The following RNU1-1 variants were observed in gnomAD, a reference collection of about 807,000 sequenced individuals.
RNU1-1 encodes the protein RNA, U1A small nuclear.
exon 1 of RNU1-1, chr1:16,514,202 C>CA (rs2087493753): frequency 1.3e-5 from 2 of 153,836 alleles, no homozygotes; most frequent in Non-Finnish European, 2.9e-5. Flanking sequence ...TCGCAGGGGT[C>CA]AGCACATCCG....
At chr1:16,514,137 A>C (rs1414104539) in exon 1 of RNU1-1, 2 of 152,366 alleles carry the variant, frequency 1.3e-5, no homozygotes, top group Non-Finnish European at 2.9e-5. Context: ...GAAAGCGCGA[A>C]CGCAGTCCCC....
chr1:16,514,188 G>A (rs2087493362), exon 1 of RNU1-1: 1 of 152,996 alleles, frequency 6.5e-6, no homozygotes, highest in African/African-American at 2.4e-5. Context: ...CACATTTGGG[G>A]AAATCGCAGG....
chr1:16,514,233 G>A lies in RNU1-1; in HGVS notation n.53C>T, dbSNP rs555358215. 273 of 242,450 alleles carry A rather than the reference G, an allele frequency of 1.1e-3. 1 individual carries two copies. The highest frequency in any genetic ancestry group is 5.6e-3 in the African/African-American group (239 of 43,004). The allele number at this position is 242,450 out of a possible 1,614,324, so 15.0% of individuals were successfully genotyped here. On this transcript the variant is annotated non_coding_transcript_exon_variant, in exon 1 of 1. Coordinates refer to ENST00000383925, the Ensembl canonical transcript of RNU1-1. ...ATCCGGAGTGCAATGGATAAGCCTC[G>A]CCCTGGGAAAACCACCTTCGTGATC... is the stretch of plus-strand genomic sequence containing the variant.
chr1:16,514,180 C>T (rs1258342835), exon 1 of RNU1-1: 1 of 152,784 alleles, frequency 6.5e-6, no homozygotes, highest in Admixed American at 6.5e-5. Context: ...GAGTTTCCCA[C>T]ATTTGGGGAA....
At chr1:16,514,280 A>G (rs1420024534) in exon 1 of RNU1-1, 2 of 929,188 alleles carry the variant, frequency 2.2e-6, no homozygotes, top group Admixed American at 6.2e-5. Flanking sequence ...CCTGCCAGGT[A>G]AGTATGAAAC....
In RNU1-1 at chr1:16,514,255, G is replaced by A. The variant is rs578141853; in HGVS notation, n.31C>T. The A allele has an allele frequency of 4.5e-4, 300 of 668,796 alleles. 1 individual carries two copies. The African/African-American group carries it at 4.6e-3, about 10-fold the overall frequency. 41.4% of individuals were successfully genotyped at this position (668,796 alleles called of 1,614,324 possible). ...CTCGCCCTGGGAAAACCACCTTCGT[G>A]ATCATGGTATCTCCCCTGCCAGGTA... On this transcript the variant is annotated non_coding_transcript_exon_variant, in exon 1 of 1. Transcript: ENST00000383925.
chr1:16,514,160 T>C (rs1204178288), exon 1 of RNU1-1: 3 of 152,308 alleles, frequency 2.0e-5, no homozygotes, highest in African/African-American at 4.8e-5. Flanking sequence ...CTACCACAAA[T>C]TATGCAGTCG....
chr1:16,514,162 A>T (rs1334547411), exon 1 of RNU1-1: 1 of 152,434 alleles, frequency 6.6e-6, no homozygotes, highest in African/African-American at 2.4e-5. Context: ...ACCACAAATT[A>T]TGCAGTCGAG....
exon 1 of RNU1-1, chr1:16,514,138 C>G (rs1365209960): frequency 1.3e-5 from 2 of 152,358 alleles, no homozygotes; most frequent in South Asian, 4.1e-4. Flanking sequence ...AAAGCGCGAA[C>G]GCAGTCCCCC....
At chr1:16,514,255 G>C in exon 1 of RNU1-1, 1 of 668,794 alleles carries the variant, frequency 1.5e-6, no homozygotes, top group Non-Finnish European at 1.8e-6. Flanking sequence ...CCACCTTCGT[G>C]ATCATGGTAT....
exon 1 of RNU1-1, chr1:16,514,239 G>A (rs1478681047): frequency 7.2e-5 from 30 of 414,272 alleles, no homozygotes; most frequent in South Asian, 2.0e-4. Context: ...CCTCGCCCTG[G>A]GAAAACCACC....
exon 1 of RNU1-1, chr1:16,514,241 A>T (rs1194038428): frequency 6.6e-6 from 3 of 451,884 alleles, no homozygotes; most frequent in Non-Finnish European, 8.7e-6. Context: ...TCGCCCTGGG[A>T]AAACCACCTT....
At chr1:16,514,252 CG>C (rs2087496431) in exon 1 of RNU1-1, 1 of 615,710 alleles carries the variant, frequency 1.6e-6, no homozygotes. Context: ...AAACCACCTT[CG>C]TGATCATGGT....
At chr1:16,514,160 T>TA (rs1373592510) in exon 1 of RNU1-1, 1 of 152,314 alleles carries the variant, frequency 6.6e-6, no homozygotes, top group Admixed American at 6.5e-5. Context: ...CTACCACAAA[T>TA]TATGCAGTCG....
chr1:16,514,245 C>G (rs2087494790), exon 1 of RNU1-1: 1 of 517,148 alleles, frequency 1.9e-6, no homozygotes, highest in Admixed American at 6.4e-5. Flanking sequence ...CCTGGGAAAA[C>G]CACCTTCGTG....
At chr1:16,514,197 G>C (rs2087493567) in exon 1 of RNU1-1, 1 of 153,466 alleles carries the variant, frequency 6.5e-6, no homozygotes, top group East Asian at 1.9e-4. Flanking sequence ...GGAAATCGCA[G>C]GGGTCAGCAC....
chr1:16,514,143 TCC>T (rs1284963010), exon 1 of RNU1-1: 1 of 152,260 alleles, frequency 6.6e-6, no homozygotes, highest in Non-Finnish European at 1.5e-5. Flanking sequence ...GCGAACGCAG[TCC>T]CCCACTACCA....
chr1:16,514,253 G>T (rs1362002486), exon 1 of RNU1-1: 5 of 638,138 alleles, frequency 7.8e-6, no homozygotes, highest in Non-Finnish European at 9.7e-6. Context: ...AACCACCTTC[G>T]TGATCATGGT....
At chr1:16,514,274 C>T (rs1377764970) in exon 1 of RNU1-1, 295 of 891,962 alleles carry the variant, frequency 3.3e-4, no homozygotes, top group Admixed American at 6.2e-4. Context: ...ATCTCCCCTG[C>T]CAGGTAAGTA....
Sources: allele counts gnomAD v4.1 joint callset, GRCh38; gene constraint gnomAD v4.1.1; transcripts MANE v1.5; gene names NCBI Gene and HGNC (gene_info 2026-07-23, HGNC 2026-07-21).